ARHGAP42: variants seen among roughly 807,000 people sequenced by gnomAD.
The protein encoded by ARHGAP42 is Rho GTPase activating protein 42.
In ARHGAP42, 63 loss-of-function variants were observed where a neutral mutation model predicts 125.0. The observed-to-expected ratio is 0.50, with a 90% CI of 0.41 to 0.62. The LOEUF is 0.62. Ranked by LOEUF, ARHGAP42 falls within the 20% of genes least tolerant of loss-of-function variation. The probability of loss-of-function intolerance (pLI) is 0.00; values close to 1 mark genes in which losing one functional copy is unlikely to be tolerated. For synonymous variants in ARHGAP42, 339 were observed against 351.0 expected (o/e 0.97, Z 0.38); for missense variants, 766 against 1,024.2 (o/e 0.75, Z 3.44).
chr11:100,822,353 A>G (rs901531944), intron 3 of ARHGAP42, among the ~76,000 whole-genome samples: 95 of 152,234 alleles, frequency 6.2e-4, no homozygotes, highest in Middle Eastern at 3.4e-3. Flanking sequence ...ATGAGTTTCT[A>G]TTGAATCAGT....
chr11:100,952,411 A>G (rs1467531938), intron 12 of ARHGAP42, among the ~76,000 whole-genome samples: 2 of 152,300 alleles, frequency 1.3e-5, no homozygotes, highest in Admixed American at 6.5e-5. Flanking sequence ...ATAAATGCAG[A>G]TTAAGTATTA....
intron 21 of ARHGAP42, among the ~76,000 whole-genome samples, chr11:100,978,778 G>A (rs538515040): frequency 7.9e-4 from 121 of 152,222 alleles, no homozygotes; most frequent in South Asian, 2.1e-3. Flanking sequence ...GTAGCTATTG[G>A]TTAATTACAG....
chr11:100,963,002 G>A (rs1278758046), intron 16 of ARHGAP42, among the ~76,000 whole-genome samples: 2 of 152,244 alleles, frequency 1.3e-5, no homozygotes, highest in Non-Finnish European at 2.9e-5. Context: ...CATTGGGTAA[G>A]TGTGGTGATT....
At chr11:100,830,450 A>G (rs1474355825) in intron 3 of ARHGAP42, among the ~76,000 whole-genome samples, 1 of 152,146 alleles carries the variant, frequency 6.6e-6, no homozygotes, top group East Asian at 1.9e-4. Flanking sequence ...GAACAGAATG[A>G]TTGCTTCTGA....
chr11:100,711,211 A>C (rs1861560278), intron 1 of ARHGAP42, among the ~76,000 whole-genome samples: 1 of 152,214 alleles, frequency 6.6e-6, no homozygotes, highest in Admixed American at 6.5e-5. Flanking sequence ...TGACCTTGCT[A>C]ACTGAAGCTT....
At chr11:100,708,462 A>G (rs1278395774) in intron 1 of ARHGAP42, among the ~76,000 whole-genome samples, 1 of 152,202 alleles carries the variant, frequency 6.6e-6, no homozygotes, top group East Asian at 1.9e-4. Context: ...GCAGTGAGCC[A>G]TGATGAAGCC....
chr11:100,936,689 T>G (rs2135265691), intron 8 of ARHGAP42, among the ~76,000 whole-genome samples: 1 of 152,314 alleles, frequency 6.6e-6, no homozygotes, highest in South Asian at 2.1e-4. Flanking sequence ...TTTTACCCTC[T>G]GGCAGCATTA....
chr11:100,737,458 T>A (rs1862090076), intron 1 of ARHGAP42, among the ~76,000 whole-genome samples: 1 of 152,218 alleles, frequency 6.6e-6, no homozygotes, highest in Admixed American at 6.5e-5. Flanking sequence ...TTGGCTATCA[T>A]TATCACTATA....
chr11:100,823,325 G>T (rs1241848842), intron 3 of ARHGAP42, among the ~76,000 whole-genome samples: 2 of 152,108 alleles, frequency 1.3e-5, no homozygotes, highest in African/African-American at 2.4e-5. Flanking sequence ...TTGCAGGATT[G>T]CCTGTTTTAA....
At chr11:100,738,929 G>T (rs974156711) in intron 1 of ARHGAP42, among the ~76,000 whole-genome samples, 1 of 152,172 alleles carries the variant, frequency 6.6e-6, no homozygotes, top group African/African-American at 2.4e-5. Context: ...GAAGCAATCA[G>T]GAGGCCACTC....
chr11:100,986,927 C>G lies in ARHGAP42; in HGVS notation c.2457-586C>G, dbSNP rs1858692551. ...AGGTTGGGAGCTGAGTGGTTGGCTT[C>G]TCTTGTTAAGGATGGGTGTACCCTG... On this transcript the variant is annotated intron_variant, in intron 22 of 23. Transcript: ENST00000298815. Among the ~76,000 whole-genome samples the G allele has an allele frequency of 2.0e-5, 3 of 151,952 alleles. No individual in the cohort carries two copies. In the South Asian group the frequency reaches 6.2e-4, roughly 32 times the overall value.
chr11:100,868,068 C>T (rs1865613878), intron 4 of ARHGAP42, among the ~76,000 whole-genome samples: 1 of 152,166 alleles, frequency 6.6e-6, no homozygotes, highest in African/African-American at 2.4e-5. Flanking sequence ...TCACTGATTG[C>T]AGATCACCAT....
intron 1 of ARHGAP42, among the ~76,000 whole-genome samples, chr11:100,766,432 A>G (rs1862831084): frequency 6.6e-6 from 1 of 152,214 alleles, no homozygotes; most frequent in Non-Finnish European, 1.5e-5. Flanking sequence ...AACAAATTTT[A>G]AAATTTATTA....
intron 1 of ARHGAP42, 56 bp downstream of exon 1, chr11:100,687,888 G>T: frequency 6.7e-7 from 1 of 1,489,402 alleles, no homozygotes. Flanking sequence ...CCCGCGGGGT[G>T]CGGGTCCGAA....
At chr11:100,763,712 A>C (rs1377105000) in intron 1 of ARHGAP42, among the ~76,000 whole-genome samples, 1 of 152,030 alleles carries the variant, frequency 6.6e-6, no homozygotes, top group Non-Finnish European at 1.5e-5. Flanking sequence ...CTGGTCTCGA[A>C]CTTCTGATTT....
intron 6 of ARHGAP42, among the ~76,000 whole-genome samples, chr11:100,932,322 C>A (rs977899622): frequency 6.6e-6 from 1 of 152,110 alleles, no homozygotes; most frequent in Admixed American, 6.5e-5. Context: ...AAAATGTTTT[C>A]TAACTTTATT....
intron 6 of ARHGAP42, among the ~76,000 whole-genome samples, chr11:100,923,124 T>G (rs1167718654): frequency 6.6e-6 from 1 of 152,176 alleles, no homozygotes; most frequent in East Asian, 1.9e-4. Flanking sequence ...TTTCCTATTC[T>G]AGGAAGATGA....
chr11:100,960,735 A>G (rs974275898), intron 13 of ARHGAP42, among the ~76,000 whole-genome samples, 180 bp from the exon 14 acceptor site: 3 of 152,162 alleles, frequency 2.0e-5, no homozygotes, highest in African/African-American at 7.2e-5. Flanking sequence ...ATCACTGTTC[A>G]GTGTCTGCTC....
At chr11:100,907,738 A>C (rs1866780433) in intron 4 of ARHGAP42, among the ~76,000 whole-genome samples, 1 of 152,110 alleles carries the variant, frequency 6.6e-6, no homozygotes, top group Admixed American at 6.5e-5. Flanking sequence ...GTGGGCTGCC[A>C]CTCTAGGCAA....
Sources: allele counts gnomAD v4.1 joint callset (sites outside exome capture counted in the v4.1 genomes callset), GRCh38; gene constraint gnomAD v4.1.1; transcripts MANE v1.5; gene names NCBI Gene and HGNC (gene_info 2026-07-23, HGNC 2026-07-21).